Variants in DISP1 observed in about 807,000 individuals in gnomAD.
DISP1 encodes dispatched RND transporter family member 1.
DISP1 carries 30 observed loss-of-function variants against 37.3 expected under a neutral mutation model. That is an observed-to-expected ratio of 0.80 (90% CI 0.60 to 1.09). The LOEUF is 1.09. Among genes scored for constraint, DISP1 ranks in the 50% least tolerant of loss-of-function variants. DISP1 has a pLI of 0.00. For synonymous variants in DISP1, 634 were observed against 690.2 expected, an observed-to-expected ratio of 0.92 and a Z score of 1.28; for missense variants, 1,598 against 1,879.5, an observed-to-expected ratio of 0.85 and a Z score of 2.77.
intron 1 of DISP1, among the ~76,000 whole-genome samples, chr1:222,920,140 TTAG>T (rs1158027737): frequency 4.6e-5 from 7 of 152,184 alleles, no homozygotes; most frequent in African/African-American, 1.7e-4. Flanking sequence ...TTTCAGTGTA[TTAG>T]TTATAACCTC....
intron 1 of DISP1, among the ~76,000 whole-genome samples, chr1:222,890,173 A>C (rs939947081): frequency 6.6e-6 from 1 of 152,196 alleles, no homozygotes; most frequent in Non-Finnish European, 1.5e-5. Flanking sequence ...CTGGATATAT[A>C]ATCATTAGTG....
At chr1:222,936,903 T>TG (rs1673910516) in intron 2 of DISP1, among the ~76,000 whole-genome samples, 1 of 91,358 alleles carries the variant, frequency 1.1e-5, no homozygotes, top group Non-Finnish European at 2.0e-5. Context: ...ATTATTTATA[T>TG]ATAATATATT....
chr1:222,999,908 T>C (rs1368663587), intron 8 of DISP1, among the ~76,000 whole-genome samples: 2 of 152,220 alleles, frequency 1.3e-5, no homozygotes, highest in Non-Finnish European at 2.9e-5. Context: ...CATCTTTGAA[T>C]TGGAGGACTG....
At chr1:222,903,785 A>G (rs1671747284) in intron 1 of DISP1, among the ~76,000 whole-genome samples, 3 of 152,208 alleles carry the variant, frequency 2.0e-5, no homozygotes, top group African/African-American at 7.2e-5. Flanking sequence ...TTACTAGTCT[A>G]AATTCTATAT....
At chr1:222,817,943 TATAA>T (rs1457795470) in intron 1 of DISP1, among the ~76,000 whole-genome samples, 1 of 152,254 alleles carries the variant, frequency 6.6e-6, no homozygotes, top group African/African-American at 2.4e-5. Flanking sequence ...TGTTGGATTA[TATAA>T]ATAGACTCAG....
rs182926003 is a variant in DISP1 at position 222,836,906 on chromosome 1, T to A, written c.-159+21828T>A. 1.2e-3 allele frequency: 470 copies of A among 393,982 alleles called. 3 individuals are homozygous for A. The highest frequency in any genetic ancestry group is 0.011 in the East Asian group (318 of 27,834). 24.4% of individuals were successfully genotyped at this position (393,982 alleles called of 1,614,324 possible). ...TAGGTAAATAACTCTGATTTTCAATTTTCTTATCTTTAATAGGGATTATAA... is the reference window on the plus strand; with the variant it reads ...TAGGTAAATAACTCTGATTTTCAATATTCTTATCTTTAATAGGGATTATAA... On this transcript the variant is annotated intron_variant, in intron 1 of 8. Transcript: ENST00000675850.
intron 1 of DISP1, among the ~76,000 whole-genome samples, chr1:222,826,512 C>G (rs1664478900): frequency 6.6e-6 from 1 of 150,948 alleles, no homozygotes; most frequent in Non-Finnish European, 1.5e-5. Flanking sequence ...TCCTGAGTAG[C>G]TGGGACTACA....
chr1:223,000,141 A>G (rs1679333715), intron 8 of DISP1, among the ~76,000 whole-genome samples: 2 of 152,194 alleles, frequency 1.3e-5, no homozygotes, highest in Admixed American at 1.3e-4. Context: ...TATTTCAGCA[A>G]CTACAGGTAT....
chr1:222,910,906 TG>T (rs1672171433), intron 1 of DISP1, among the ~76,000 whole-genome samples: 1 of 152,184 alleles, frequency 6.6e-6, no homozygotes, highest in African/African-American at 2.4e-5. Flanking sequence ...AGAGAGTGAC[TG>T]GGGAGGTTAT....
chr1:222,904,726 C>G (rs1178384349), intron 1 of DISP1, among the ~76,000 whole-genome samples: 1 of 151,964 alleles, frequency 6.6e-6, no homozygotes, highest in Non-Finnish European at 1.5e-5. Context: ...CACCACTATG[C>G]CTGGCCAATT....
At chr1:222,829,514 G>A (rs995997471) in intron 1 of DISP1, among the ~76,000 whole-genome samples, 6 of 151,300 alleles carry the variant, frequency 4.0e-5, no homozygotes, top group Non-Finnish European at 7.4e-5. Flanking sequence ...GCACGATCTC[G>A]GCTCACTGCA....
chr1:222,900,550 T>A (rs1438965947), intron 1 of DISP1, among the ~76,000 whole-genome samples: 1 of 152,196 alleles, frequency 6.6e-6, no homozygotes, highest in Admixed American at 6.5e-5. Context: ...AATTATGATA[T>A]GGAAAAGTAA....
chr1:222,876,525 A>C (rs1468990020), intron 1 of DISP1, among the ~76,000 whole-genome samples: 1 of 152,222 alleles, frequency 6.6e-6, no homozygotes, highest in African/African-American at 2.4e-5. Flanking sequence ...ATGCCCATCG[A>C]AAAAGAAGAG....
At chr1:222,884,621 T>G (rs556106894) in intron 1 of DISP1, among the ~76,000 whole-genome samples, 10 of 152,320 alleles carry the variant, frequency 6.6e-5, no homozygotes, top group South Asian at 4.1e-4. Flanking sequence ...GCTGTATAAG[T>G]CTTAATGCAT....
chr1:222,958,699 A>G (rs918446209), intron 3 of DISP1, among the ~76,000 whole-genome samples: 1 of 152,194 alleles, frequency 6.6e-6, no homozygotes, highest in African/African-American at 2.4e-5. Flanking sequence ...ATTTAAAAGA[A>G]AAGCAATTCT....
At chr1:222,915,848 T>C (rs1672468642) in intron 1 of DISP1, among the ~76,000 whole-genome samples, 1 of 152,186 alleles carries the variant, frequency 6.6e-6, no homozygotes, top group South Asian at 2.1e-4. Context: ...TAAAATACTT[T>C]CCTGCTATCA....
chr1:222,968,005 A>G (rs1197695304), intron 3 of DISP1, among the ~76,000 whole-genome samples: 1 of 152,190 alleles, frequency 6.6e-6, no homozygotes, highest in Non-Finnish European at 1.5e-5. Flanking sequence ...AAAGGGAATT[A>G]CGATCTTTTT....
chr1:222,825,660 C>G (rs922433331), intron 1 of DISP1, among the ~76,000 whole-genome samples: 14 of 152,124 alleles, frequency 9.2e-5, no homozygotes, highest in African/African-American at 3.1e-4. Flanking sequence ...ACCACCACAC[C>G]TGGCTAATTT....
chr1:222,874,341 G>A (rs1213146823), intron 1 of DISP1, among the ~76,000 whole-genome samples: 1 of 152,206 alleles, frequency 6.6e-6, no homozygotes, highest in Non-Finnish European at 1.5e-5. Flanking sequence ...GATTGAGGAA[G>A]TTCTCCTGGA....
Sources: gnomAD v4.1 joint callset for allele counts (sites outside exome capture counted in the v4.1 genomes callset) on GRCh38, gnomAD v4.1.1 for gene constraint, MANE v1.5 for transcripts, NCBI Gene and HGNC (gene_info 2026-07-23, HGNC 2026-07-21) for gene names.